The following CPVL variants were observed in gnomAD, a reference collection of about 807,000 sequenced individuals.
CPVL encodes carboxypeptidase vitellogenic like, also known as probable serine carboxypeptidase CPVL.
CPVL carries 51 observed loss-of-function variants against 63.7 expected under a neutral mutation model. The observed-to-expected ratio is 0.80, with a 90% CI of 0.64 to 1.01. CPVL has a LOEUF of 1.01. CPVL is among the 50% of genes least tolerant of loss of function. The pLI is 0.00. For synonymous variants in CPVL, 195 were observed against 206.0 expected (o/e 0.95, Z 0.46); for missense variants, 530 against 573.1 (o/e 0.92, Z 0.77).
chr7:29,024,662 T>C (rs886617048), intron 12 of CPVL, among the ~76,000 whole-genome samples: 55 of 152,244 alleles, frequency 3.6e-4, no homozygotes, highest in Non-Finnish European at 6.5e-4. Flanking sequence ...AGCAGAAACT[T>C]ATAAGCCACG....
upstream of CPVL, chr7:29,148,447 C>T (rs756488256): frequency 1.3e-5 from 2 of 152,198 alleles, no homozygotes; most frequent in African/African-American, 2.4e-5. Context: ...TAATTTAACA[C>T]TATTTATCTC....
chr7:29,159,149 G>A (rs1794830918), intron 5 of CPVL, among the ~76,000 whole-genome samples: 1 of 152,170 alleles, frequency 6.6e-6, no homozygotes. Context: ...CAGTGAGAAA[G>A]CATTGTGCAG....
intron 7 of CPVL, among the ~76,000 whole-genome samples, chr7:29,074,137 T>C (rs552611323): frequency 6.6e-6 from 1 of 152,340 alleles, no homozygotes; most frequent in Admixed American, 6.5e-5. Context: ...GAATTACACC[T>C]GAGCTGACCG....
intron 3 of CPVL, among the ~76,000 whole-genome samples, chr7:29,100,826 A>C (rs1243266910): frequency 6.6e-6 from 1 of 152,166 alleles, no homozygotes; most frequent in African/African-American, 2.4e-5. Flanking sequence ...CCACACATAC[A>C]TCTTTCTACT....
intron 2 of CPVL, among the ~76,000 whole-genome samples, chr7:29,115,852 C>T (rs1011839211): frequency 6.6e-6 from 1 of 152,202 alleles, no homozygotes; most frequent in African/African-American, 2.4e-5. Context: ...CAATCTATCT[C>T]TCCCAAGACC....
At chr7:29,095,571 A>G in intron 4 of CPVL, among the ~76,000 whole-genome samples, 1 of 151,396 alleles carries the variant, frequency 6.6e-6, no homozygotes. Context: ...CCAAATTCTG[A>G]CCCAGGGGAA....
At chr7:29,079,594 T>C (rs1239644221) in intron 7 of CPVL, among the ~76,000 whole-genome samples, 1 of 152,232 alleles carries the variant, frequency 6.6e-6, no homozygotes, top group Non-Finnish European at 1.5e-5. Flanking sequence ...TCAATAAATA[T>C]TCTCTAGTAA....
Position 28,995,244 on chromosome 7 carries a change from T to TAATA in CPVL, c.*524_*527dup. On this transcript the variant is annotated 3_prime_UTR_variant, in exon 13 of 13. Transcript: ENST00000265394. Reference sequence around the variant, plus strand: ...ATTGACTCATCATTACTTTTATATATAATATTTTTATTTCAAAGAATTCTT... The same window carrying TAATA: ...ATTGACTCATCATTACTTTTATATATAATAAATATTTTTATTTCAAAGAATTCTT... The TAATA allele has an allele frequency of 1.3e-5, 2 of 152,578 alleles. No homozygotes were observed. The highest frequency in any genetic ancestry group is 6.8e-3 in the Middle Eastern group (2 of 294). The allele number at this position is 152,578 out of a possible 1,614,324, so 9.5% of individuals were successfully genotyped here.
intron 5 of CPVL, among the ~76,000 whole-genome samples, chr7:29,169,084 A>G (rs925549906): frequency 2.3e-4 from 35 of 151,420 alleles, no homozygotes; most frequent in Admixed American, 1.7e-3. Context: ...TAAGAAATTT[A>G]TCTCCCATAG....
intron 1 of CPVL, chr7:29,194,564 G>C (rs1783372521): frequency 5.0e-6 from 1 of 201,052 alleles, no homozygotes; most frequent in Non-Finnish European, 9.9e-6. Context: ...TGGCGGGGCG[G>C]CTCGGAGCTG....
At chr7:29,041,936 T>C (rs978956210) in intron 11 of CPVL, among the ~76,000 whole-genome samples, 3 of 152,222 alleles carry the variant, frequency 2.0e-5, no homozygotes, top group Non-Finnish European at 2.9e-5. Flanking sequence ...GTTTCTTTTA[T>C]AGTTTTCATG....
chr7:29,183,383 CT>C (rs200037874), intron 4 of CPVL, among the ~76,000 whole-genome samples: 87 of 141,120 alleles, frequency 6.2e-4, no homozygotes, highest in Admixed American at 7.1e-4. Flanking sequence ...CGTGCCTAGC[CT>C]TTTTTTTTTT....
intron 12 of CPVL, chr7:29,008,934 G>T (rs1035984556): frequency 1.3e-5 from 2 of 152,048 alleles, no homozygotes; most frequent in African/African-American, 4.8e-5. Context: ...CGAGCCCAAG[G>T]CATAAGCTGA....
At chr7:29,090,061 C>T (rs1003391270) in intron 6 of CPVL, among the ~76,000 whole-genome samples, 2 of 152,140 alleles carry the variant, frequency 1.3e-5, no homozygotes, top group East Asian at 1.9e-4. Flanking sequence ...TGGGGTTTCT[C>T]CATGTTGGTC....
intron 11 of CPVL, among the ~76,000 whole-genome samples, chr7:29,034,230 G>A (rs866244128): frequency 1.3e-4 from 20 of 152,068 alleles, no homozygotes; most frequent in African/African-American, 4.3e-4. Context: ...TCAGCCTCCC[G>A]AGTAGCTGGG....
intron 11 of CPVL, among the ~76,000 whole-genome samples, chr7:29,062,098 T>C (rs547942370): frequency 2.6e-5 from 4 of 152,302 alleles, no homozygotes; most frequent in East Asian, 3.9e-4. Flanking sequence ...ACATGAACGC[T>C]AACCTCTTTT....
chr7:29,175,853 TA>T (rs1463426440), intron 5 of CPVL, among the ~76,000 whole-genome samples: 3 of 152,112 alleles, frequency 2.0e-5, no homozygotes. Flanking sequence ...TAGGACAGAT[TA>T]GGCAATATTC....
downstream of CPVL, chr7:28,995,152 A>AG (rs1783946968): frequency 1.3e-5 from 2 of 152,128 alleles, no homozygotes; most frequent in African/African-American, 4.8e-5. Flanking sequence ...AACTCAAAGA[A>AG]GGAAAAAGAA....
chr7:29,125,897 C>T (rs1277147513), intron 1 of CPVL, among the ~76,000 whole-genome samples: 1 of 152,110 alleles, frequency 6.6e-6, no homozygotes, highest in Non-Finnish European at 1.5e-5. Context: ...TGTAATAACC[C>T]AGGTCCTGCC....
Sources: gnomAD v4.1 joint callset for allele counts (sites outside exome capture counted in the v4.1 genomes callset) on GRCh38, gnomAD v4.1.1 for gene constraint, MANE v1.5 for transcripts, NCBI Gene and HGNC (gene_info 2026-07-23, HGNC 2026-07-21) for gene names.